HEPACAM2: variants seen among roughly 807,000 people sequenced by gnomAD.
HEPACAM2 encodes the protein HEPACAM family member 2, also known as mitotic kinetics regulator.
HEPACAM2 carries 49 observed loss-of-function variants against 49.6 expected under a neutral mutation model. That is an observed-to-expected ratio of 0.99 (90% confidence interval 0.78 to 1.25). The LOEUF (loss-of-function observed/expected upper bound fraction) is 1.25. Ranked by LOEUF, HEPACAM2 falls within the 50% of genes most tolerant of loss-of-function variation. The pLI is 0.00. For missense variants in HEPACAM2, 525 were observed against 557.2 expected, an observed-to-expected ratio of 0.94 and a Z score of 0.58; for synonymous variants, 197 against 202.9, an observed-to-expected ratio of 0.97 and a Z score of 0.25.
chr7:93,206,236 T>C (rs1172606322), intron 4 of HEPACAM2, among the ~76,000 whole-genome samples: 1 of 152,108 alleles, frequency 6.6e-6, no homozygotes, highest in Non-Finnish European at 1.5e-5. Flanking sequence ...TGGCTTGCTG[T>C]ACAATTATGT....
At chr7:93,225,426 A>G (rs1178526424) in intron 1 of HEPACAM2, among the ~76,000 whole-genome samples, 1 of 152,164 alleles carries the variant, frequency 6.6e-6, no homozygotes, top group African/African-American at 2.4e-5. Context: ...AACAGTAGGT[A>G]TGAATTTGAA....
chr7:93,226,452 C>A lies in HEPACAM2; in HGVS notation c.-6G>T. The A allele has an allele frequency of 6.2e-7, 1 of 1,611,576 alleles. No homozygotes were observed. The highest frequency in any genetic ancestry group is 8.5e-7 in the Non-Finnish European group (1 of 1,178,044). ...ATGAAAGCATCCTGTCCCATGCATG[C>A]AGTGCCCTGTTCTCAGTGGTAACTT... On this transcript the variant is annotated 5_prime_UTR_variant, in exon 1 of 10. Transcript: ENST00000394468.
chr7:93,213,624 T>C (rs1241083665), intron 3 of HEPACAM2, among the ~76,000 whole-genome samples: 2 of 152,264 alleles, frequency 1.3e-5, no homozygotes, highest in Non-Finnish European at 2.9e-5. Flanking sequence ...AGAAACTTTA[T>C]TGATTTCTTA....
chr7:93,215,481 T>G lies in HEPACAM2; in HGVS notation c.635A>C (p.Glu212Ala), dbSNP rs1239938114. The change falls in exon 3 of 10, where the codon GAA becomes GCA. Residue 212 changes from glutamate (E) to alanine (A), a missense_variant. Coordinates refer to ENST00000394468, the MANE Select transcript of HEPACAM2 (RefSeq NM_001039372.4). ...NTLHIAPVTKEDIGNYSCLVR... is the reference protein window; with the variant it reads ...NTLHIAPVTKADIGNYSCLVR... ...CAGGCAGCTGTAATTCCCAATGTCT[T>G]CCTTGGTTACTGGAGCAATATGAAG... 6.2e-7 allele frequency: 1 copy of G among 1,613,808 alleles called. No homozygotes were observed.
Position 93,189,060 on chromosome 7 carries a change from T to G in HEPACAM2, c.*207A>C. The G allele has an allele frequency of 2.1e-6, 1 of 487,520 alleles. No individual in the cohort carries two copies. Among genetic ancestry groups the G allele is most frequent in the Admixed American group, 3.8e-5 (1 of 26,046 alleles). The allele number at this position is 487,520 out of a possible 1,614,324, so 30.2% of individuals were successfully genotyped here. A position where few individuals can be genotyped will look rare whatever the true frequency, so the allele number is the denominator to read the frequency against. Reference sequence around the variant, plus strand: ...TGAGGAATATTTCCCCAACATGTTTTTCTGTTGCACAAGACATTGTGTATA... The same window carrying G: ...TGAGGAATATTTCCCCAACATGTTTGTCTGTTGCACAAGACATTGTGTATA... On this transcript the variant is annotated 3_prime_UTR_variant, in exon 10 of 10. Coordinates refer to ENST00000394468, the MANE Select transcript of HEPACAM2 (RefSeq NM_001039372.4).
Position 93,197,215 on chromosome 7 carries a change from A to G in HEPACAM2, c.1201+26T>C, listed in dbSNP as rs755480761. ...TAATTAACATACATTAAAACTGATA[A>G]TAGCCCTTTTCAGCTTGGCCATTAC... On this transcript the variant is annotated intron_variant, in intron 7 of 9. Transcript: ENST00000394468. 3.8e-6 allele frequency: 6 copies of G among 1,590,906 alleles called. No individual in the cohort carries two copies. The African/African-American group carries it at 8.1e-5, about 21-fold the overall frequency.
intron 1 of HEPACAM2, among the ~76,000 whole-genome samples, chr7:93,221,352 C>CATCTT (rs1794445497): frequency 6.6e-6 from 1 of 152,016 alleles, no homozygotes; most frequent in South Asian, 2.1e-4. Flanking sequence ...TTTCATTCTA[C>CATCTT]TAGAAAGGGA....
chr7:93,221,587 T>C (rs767075926), intron 1 of HEPACAM2, among the ~76,000 whole-genome samples: 47 of 152,074 alleles, frequency 3.1e-4, no homozygotes, highest in Non-Finnish European at 6.3e-4. Context: ...GGCTAGCTAT[T>C]AGTAGAGAGT....
chr7:93,221,096 G>C (rs943742905), intron 1 of HEPACAM2, among the ~76,000 whole-genome samples: 1 of 152,144 alleles, frequency 6.6e-6, no homozygotes, highest in Non-Finnish European at 1.5e-5. Context: ...TGGGACAGAA[G>C]CTGGAGAAGG....
At chr7:93,195,334 C>T (rs530450402) in intron 8 of HEPACAM2, among the ~76,000 whole-genome samples, 4 of 152,222 alleles carry the variant, frequency 2.6e-5, no homozygotes, top group East Asian at 1.9e-4. Context: ...CTCAATGATC[C>T]TCCTGCCTCG....
intron 3 of HEPACAM2, among the ~76,000 whole-genome samples, chr7:93,211,168 C>A (rs1420928600): frequency 6.6e-6 from 1 of 151,966 alleles, no homozygotes; most frequent in Non-Finnish European, 1.5e-5. Context: ...AGCTAGAAAA[C>A]AGACTAATCT....
intron 3 of HEPACAM2, among the ~76,000 whole-genome samples, chr7:93,210,404 A>C (rs1794149259): frequency 6.6e-6 from 1 of 151,974 alleles, no homozygotes; most frequent in Non-Finnish European, 1.5e-5. Flanking sequence ...CTGGGTTTCT[A>C]AAATATATGC....
chr7:93,193,592 T>C (rs6950913), intron 8 of HEPACAM2, among the ~76,000 whole-genome samples: 1,530 of 152,206 alleles, frequency 0.01, 23 homozygotes, highest in African/African-American at 0.033. Flanking sequence ...CCACACAATA[T>C]GCCAAGAGAT....
chr7:93,211,866 C>G (rs924949530), intron 3 of HEPACAM2, among the ~76,000 whole-genome samples: 1 of 151,966 alleles, frequency 6.6e-6, no homozygotes, highest in Non-Finnish European at 1.5e-5. Flanking sequence ...AATGTGGTCA[C>G]GAAAATACAG....
At chr7:93,209,936 A>C (rs1794138252) in intron 3 of HEPACAM2, among the ~76,000 whole-genome samples, 1 of 151,898 alleles carries the variant, frequency 6.6e-6, no homozygotes. Flanking sequence ...AGCTAAGATT[A>C]GGATTCCATT....
At chr7:93,195,964 C>A (rs537526679) in intron 7 of HEPACAM2, 63 bp from the exon 8 acceptor site, 15 of 1,199,222 alleles carry the variant, frequency 1.3e-5, no homozygotes, top group African/African-American at 3.0e-5. Context: ...GTTTTTTAAA[C>A]CTTTGTAAAA....
chr7:93,193,543 G>A (rs759732422), intron 8 of HEPACAM2, among the ~76,000 whole-genome samples: 9 of 152,096 alleles, frequency 5.9e-5, no homozygotes, highest in Non-Finnish European at 1.0e-4. Flanking sequence ...AATGAAATGT[G>A]CAATTGGTAG....
intron 4 of HEPACAM2, among the ~76,000 whole-genome samples, chr7:93,207,938 A>G (rs1406952213): frequency 2.6e-5 from 4 of 152,052 alleles, no homozygotes; most frequent in African/African-American, 9.7e-5. Context: ...GAGAGAAGAG[A>G]AGGTGTAGAA....
intron 3 of HEPACAM2, among the ~76,000 whole-genome samples, chr7:93,210,385 A>G (rs1263670627): frequency 6.6e-6 from 1 of 151,998 alleles, no homozygotes; most frequent in Non-Finnish European, 1.5e-5. Flanking sequence ...TAGCTATTAA[A>G]TAGCAGAGCT....
Sources: gnomAD v4.1 joint callset for allele counts (sites outside exome capture counted in the v4.1 genomes callset) on GRCh38, gnomAD v4.1.1 for gene constraint, MANE v1.5 for transcripts, NCBI Gene and HGNC (gene_info 2026-07-23, HGNC 2026-07-21) for gene names.